Variants in SARDH observed in about 807,000 individuals in gnomAD.
SARDH encodes the protein sarcosine dehydrogenase, mitochondrial.
In SARDH, 95 loss-of-function variants were observed where a neutral mutation model predicts 109.1. That is an observed-to-expected ratio of 0.87 (90% CI 0.74 to 1.03). The LOEUF (loss-of-function observed/expected upper bound fraction) is 1.03. SARDH is among the 50% of genes least tolerant of loss of function. The pLI, the probability that SARDH is intolerant of heterozygous loss-of-function variation, is 0.00. For missense variants in SARDH, 1,267 were observed against 1,287.8 expected, an observed-to-expected ratio of 0.98 and a Z score of 0.25; for synonymous variants, 572 against 534.8, an observed-to-expected ratio of 1.07 and a Z score of -0.96.
downstream of SARDH, among the ~76,000 whole-genome samples, chr9:133,662,256 A>G (rs1451683864): frequency 6.6e-6 from 1 of 152,082 alleles, no homozygotes; most frequent in East Asian, 1.9e-4. This position sits in a 1 kb window ranked among gnomAD's most constrained non-coding sequence, Gnocchi z 5.1. Flanking sequence ...GCCACGAGAA[A>G]CAATTTGGAG....
rs1832781490 is a variant in SARDH, at chr9:133,734,074, G to C, written c.100C>G (p.Pro34Ala). The change falls in exon 2 of 21, where the codon CCC becomes GCC. Residue 34 changes from proline (P) to alanine (A), a missense_variant. Transcript: ENST00000439388. Reference protein sequence around the residue: ...GPCNLSSAAGPTAEKSVPYQR... With the variant: ...GPCNLSSAAGATAEKSVPYQR... Reference sequence around the variant, plus strand: ...TATGGCACACTCTTCTCGGCTGTGGGGCCAGCTGCGCTGGACAGGTTGCAT... The same window carrying C: ...TATGGCACACTCTTCTCGGCTGTGGCGCCAGCTGCGCTGGACAGGTTGCAT... 4 of 1,613,054 alleles carry C rather than the reference G, an allele frequency of 2.5e-6. No homozygotes were observed. The highest frequency in any genetic ancestry group is 1.3e-5 in the African/African-American group (1 of 74,952).
chr9:133,689,760 C>T (rs553364243), intron 16 of SARDH, among the ~76,000 whole-genome samples: 4 of 152,270 alleles, frequency 2.6e-5, no homozygotes, highest in African/African-American at 9.6e-5. Context: ...TTCTCCCAGC[C>T]TCCGAAGCAC....
chr9:133,736,886 T>C (rs1358708067), intron 1 of SARDH, among the ~76,000 whole-genome samples: 1 of 152,246 alleles, frequency 6.6e-6, no homozygotes, highest in Non-Finnish European at 1.5e-5. Context: ...ATGACTGATA[T>C]AATTATCTAA....
At chr9:133,729,909 G>C in intron 5 of SARDH, 44 bp from the exon 6 acceptor site, 1 of 1,602,630 alleles carries the variant, frequency 6.2e-7, no homozygotes, top group Non-Finnish European at 8.5e-7. Context: ...GACACCTGGT[G>C]GGAGCTGCCT....
chr9:133,661,279 G>A (rs1832409034), downstream of SARDH, among the ~76,000 whole-genome samples: 2 of 151,444 alleles, frequency 1.3e-5, no homozygotes, highest in Middle Eastern at 3.4e-3. Flanking sequence ...GGTGGAGGTT[G>A]TAGTGAGCTG....
chr9:133,721,652 T>A (rs964479936), intron 6 of SARDH, among the ~76,000 whole-genome samples: 6 of 152,186 alleles, frequency 3.9e-5, no homozygotes, highest in Admixed American at 3.9e-4. Flanking sequence ...GGGCGTTAGG[T>A]GGTTTATCTG....
Position 133,712,665 on chromosome 9 carries a change from T to C in SARDH, c.1282A>G (p.Ile428Val). Residue 428 changes from isoleucine (I) to valine (V), a missense_variant, in exon 10 of 21, where the codon ATC (isoleucine) becomes GTC (valine). Coordinates refer to ENST00000439388, the MANE Select transcript of SARDH (RefSeq NM_001134707.2). This position sits in a 1 kb window ranked among gnomAD's most constrained non-coding sequence, Gnocchi z 4.1. ...GGCGQELAHW[I>V]IHGRPEKDMH... Reference sequence around the variant, plus strand: ...TCCTTCTCCGGGCGCCCATGGATGATCCAGTGGGCCAGCTCCTGCCCACAG... The same window carrying C: ...TCCTTCTCCGGGCGCCCATGGATGACCCAGTGGGCCAGCTCCTGCCCACAG... 6.2e-7 allele frequency: 1 copy of C among 1,610,482 alleles called. No homozygotes were observed. The highest frequency in any genetic ancestry group is 8.5e-7 in the Non-Finnish European group (1 of 1,179,960).
At chr9:133,739,015 AG>A (rs918791605), upstream of SARDH, among the ~76,000 whole-genome samples, 54 of 152,242 alleles carry the variant, frequency 3.5e-4, no homozygotes, top group African/African-American at 1.1e-3. Flanking sequence ...GTGCCCAGGG[AG>A]GGGGCCACAC....
At chr9:133,673,512 G>A (rs1228812521) in intron 17 of SARDH, among the ~76,000 whole-genome samples, 2 of 152,240 alleles carry the variant, frequency 1.3e-5, no homozygotes, top group African/African-American at 2.4e-5. Flanking sequence ...CCAACCACAG[G>A]GGCAGCTCCT....
chr9:133,733,443 A>C (rs752239119), intron 2 of SARDH, among the ~76,000 whole-genome samples: 2 of 152,194 alleles, frequency 1.3e-5, no homozygotes, highest in Non-Finnish European at 2.9e-5. Flanking sequence ...GAACTGTAGA[A>C]GCCTCTGGTG....
chr9:133,706,721 G>C (rs182092096), intron 11 of SARDH, among the ~76,000 whole-genome samples: 2 of 152,326 alleles, frequency 1.3e-5, no homozygotes, highest in East Asian at 3.9e-4. Flanking sequence ...CCACTCTCGG[G>C]TTTGGAAGGG....
chr9:133,733,096 G>A (rs1191792216), intron 2 of SARDH, among the ~76,000 whole-genome samples: 2 of 152,212 alleles, frequency 1.3e-5, no homozygotes, highest in Admixed American at 6.5e-5. Flanking sequence ...CTGGCGAAAC[G>A]TCAGGGAAGA....
Position 133,731,183 on chromosome 9 carries a change from T to C in SARDH, c.690+122A>G, listed in dbSNP as rs930171131. On this transcript the variant is annotated intron_variant, in intron 4 of 20. Coordinates refer to ENST00000439388, the MANE Select transcript of SARDH (RefSeq NM_001134707.2). Reference sequence around the variant, plus strand: ...CCAGAAGGCTCAGAGAGGTCCTCACTGGCCCAAAGTCACACAGCAGTCAGA... The same window carrying C: ...CCAGAAGGCTCAGAGAGGTCCTCACCGGCCCAAAGTCACACAGCAGTCAGA... 3 of 1,313,750 alleles carry C rather than the reference T, an allele frequency of 2.3e-6. No homozygotes were observed. In the Admixed American group the frequency reaches 6.7e-5, roughly 29 times the overall value. 81.4% of individuals were successfully genotyped at this position (1,313,750 alleles called of 1,614,324 possible). A position where few individuals can be genotyped will look rare whatever the true frequency, so the allele number is the denominator to read the frequency against.
At chr9:133,688,514 C>T (rs530330457) in intron 16 of SARDH, among the ~76,000 whole-genome samples, 2 of 152,290 alleles carry the variant, frequency 1.3e-5, no homozygotes, top group Admixed American at 6.5e-5. Flanking sequence ...CTGCTGGCCC[C>T]CTGCCCGCTG....
rs1588453802 is a variant in SARDH, at chr9:133,728,482, A to T, written c.915+1283T>A. The stretch of plus-strand genomic sequence containing the variant: ...TCTGGCCCTGGCTCTCTGAACGGCC[A>T]TGCTCTGTGCACGCTCCTTGTCCAC... On this transcript the variant is annotated intron_variant, in intron 6 of 20. Coordinates refer to ENST00000439388, the MANE Select transcript of SARDH (RefSeq NM_001134707.2). This position sits in a 1 kb window ranked among gnomAD's most constrained non-coding sequence, Gnocchi z 5.0. 6.6e-6 allele frequency among the ~76,000 whole-genome samples: 1 copy of T among 152,228 alleles called. No individual in the cohort carries two copies. The highest frequency in any genetic ancestry group is 1.5e-5 in the Non-Finnish European group (1 of 67,992).
chr9:133,660,138 C>A (rs1050042897), downstream of SARDH, among the ~76,000 whole-genome samples: 9 of 151,466 alleles, frequency 5.9e-5, no homozygotes, highest in African/African-American at 2.2e-4. Flanking sequence ...CCGTGTCCCC[C>A]CTACCCCGCT....
At position 133,709,526 on chromosome 9, in the gene SARDH, C is replaced by T. The variant is rs530908807; in HGVS notation, c.1329-1098G>A. Among the ~76,000 whole-genome samples, 191 of 152,332 alleles carry T rather than the reference C, an allele frequency of 1.3e-3. No individual in the cohort carries two copies. The highest frequency in any genetic ancestry group is 4.2e-3 in the African/African-American group (174 of 41,580). On this transcript the variant is annotated intron_variant, in intron 10 of 20. Transcript: ENST00000439388. This position sits in a 1 kb window ranked among gnomAD's most constrained non-coding sequence, Gnocchi z 4.2. ...TCACTCAAGGCTGCCTCAGCAGCCA[C>T]ATCAGAGGCGTTTCTATCCTCAGTG...
rs1829970883 is a variant in SARDH at position 133,664,029 on chromosome 9, G to T, written c.2632-15C>A. On this transcript the variant is annotated splice_polypyrimidine_tract_variant and intron_variant, in intron 20 of 20. Coordinates refer to ENST00000439388, the MANE Select transcript of SARDH (RefSeq NM_001134707.2). ...TCCAGCGAGACCTAGGAGCAGAGGT[G>T]GGGATGAGGATCACTCTCTGTTGGT... The T allele has an allele frequency of 1.2e-6, 2 of 1,613,446 alleles. No homozygotes were observed. The highest frequency in any genetic ancestry group is 2.7e-5 in the African/African-American group (2 of 74,936).
In SARDH at chr9:133,696,131, G is replaced by A. The variant is rs182452754; in HGVS notation, c.1807+92C>T. 930 of 1,518,956 alleles carry A rather than the reference G, an allele frequency of 6.1e-4. 6 individuals carry two copies. The East Asian group carries it at 0.014, about 22-fold the overall frequency. The allele number at this position is 1,518,956 out of a possible 1,614,324, so 94.1% of individuals were successfully genotyped here. A position where few individuals can be genotyped will look rare whatever the true frequency, so the allele number is the denominator to read the frequency against. The stretch of plus-strand genomic sequence containing the variant: ...AAGGAGCAGTGTGCTCAGGGTGCCC[G>A]AGGGGACAGGGTGGCTTGCCAGCTC... On this transcript the variant is annotated intron_variant, in intron 14 of 20. Transcript: ENST00000439388.
Sources: gnomAD v4.1 joint callset for allele counts (sites outside exome capture counted in the v4.1 genomes callset) on GRCh38, gnomAD v4.1.1 for gene constraint, Gnocchi (gnomAD v3.1) non-coding constraint, MANE v1.5 for transcripts, NCBI Gene and HGNC (gene_info 2026-07-23, HGNC 2026-07-21) for gene names.